The following PCDH11X variants were observed in gnomAD, a reference collection of about 807,000 sequenced individuals.
PCDH11X encodes the protein protocadherin 11 X-linked.
Under a neutral mutation model 53.3 loss-of-function variants are expected in PCDH11X, and 18 were observed. That is an observed-to-expected ratio of 0.34 (90% confidence interval 0.23 to 0.50). PCDH11X has a LOEUF of 0.50. Ranked by LOEUF, PCDH11X falls within the 20% of genes least tolerant of loss-of-function variation. The probability of loss-of-function intolerance (pLI) is 0.98; values close to 1 mark genes in which losing one functional copy is unlikely to be tolerated. For synonymous variants in PCDH11X, 279 were observed against 393.3 expected, an observed-to-expected ratio of 0.71 and a Z score of 3.44; for missense variants, 570 against 1,032.4, an observed-to-expected ratio of 0.55 and a Z score of 6.14.
intron 8 of PCDH11X, among the ~76,000 whole-genome samples, chrX:92,312,518 G>A (rs1379519809): frequency 9.1e-6 from 1 of 110,260 alleles, no homozygotes; most frequent in Admixed American, 9.8e-5. Flanking sequence ...TTTGACTAAT[G>A]TACTACTCAG....
At chrX:91,885,285 T>TC (rs1335444106) in intron 6 of PCDH11X, among the ~76,000 whole-genome samples, 1 of 111,651 alleles carries the variant, frequency 9.0e-6, no homozygotes, top group Non-Finnish European at 1.9e-5. Context: ...TTGCAGTTAC[T>TC]CCCCTTTTAT....
intron 1 of PCDH11X, among the ~76,000 whole-genome samples, chrX:91,807,929 T>G (rs2147554406): frequency 9.4e-6 from 1 of 106,143 alleles, no homozygotes; most frequent in Non-Finnish European, 1.9e-5. Flanking sequence ...TTTAACCCAT[T>G]ATTGGACTGG....
intron 1 of PCDH11X, among the ~76,000 whole-genome samples, chrX:91,798,454 T>A (rs751904211): frequency 9.1e-6 from 1 of 110,344 alleles, no homozygotes; most frequent in Admixed American, 9.7e-5. Context: ...CCAGGCATGA[T>A]GGCGGGCGCC....
At chrX:92,500,222 GATC>G (rs1432183058) in intron 10 of PCDH11X, among the ~76,000 whole-genome samples, 2 of 111,191 alleles carry the variant, frequency 1.8e-5, no homozygotes, top group African/African-American at 6.5e-5. Flanking sequence ...TCTTTTAAAA[GATC>G]ATATTTCAGG....
At chrX:92,568,524 G>A (rs4893180) in intron 10 of PCDH11X, among the ~76,000 whole-genome samples, 38,725 of 106,709 alleles carry the variant, frequency 0.36, 5,865 homozygotes, top group African/African-American at 0.46. Context: ...TCTCTACCAC[G>A]CACAATAAAA....
At chrX:92,261,634 A>G (rs1319080740) in intron 7 of PCDH11X, among the ~76,000 whole-genome samples, 1 of 105,340 alleles carries the variant, frequency 9.5e-6, no homozygotes, top group African/African-American at 3.9e-5. Context: ...TTCTAATGAA[A>G]CTAAAAAAAA....
At chrX:92,605,933 A>G (rs1035803703) in intron 10 of PCDH11X, among the ~76,000 whole-genome samples, 4 of 110,755 alleles carry the variant, frequency 3.6e-5, no homozygotes, top group African/African-American at 1.3e-4. Flanking sequence ...TTTTGCAGAA[A>G]TAAGACGCTA....
At chrX:92,151,973 T>C (rs950459427) in intron 6 of PCDH11X, among the ~76,000 whole-genome samples, 1 of 89,812 alleles carries the variant, frequency 1.1e-5, no homozygotes. Context: ...AAGAAAACCA[T>C]ATAAGTAAGG....
chrX:92,056,435 C>G (rs1417004597), intron 6 of PCDH11X, among the ~76,000 whole-genome samples: 1 of 111,056 alleles, frequency 9.0e-6, no homozygotes, highest in African/African-American at 3.3e-5. Context: ...TATATTAGAC[C>G]TTTGTTGGAT....
intron 8 of PCDH11X, among the ~76,000 whole-genome samples, chrX:92,289,331 A>G (rs1232657843): frequency 9.0e-6 from 1 of 110,724 alleles, no homozygotes; most frequent in East Asian, 2.9e-4. Context: ...ACCGAGGTTG[A>G]ATATTTATTC....
At chrX:92,453,536 A>T (rs2072845296) in intron 9 of PCDH11X, among the ~76,000 whole-genome samples, 1 of 110,184 alleles carries the variant, frequency 9.1e-6, no homozygotes, top group Admixed American at 9.7e-5. Context: ...TTCAAAAGGC[A>T]TATTCATGGA....
intron 9 of PCDH11X, among the ~76,000 whole-genome samples, chrX:92,402,203 C>G (rs1412205525): frequency 9.0e-6 from 1 of 111,567 alleles, no homozygotes. Context: ...TTAAAATGAC[C>G]GTGTTACCCA....
At chrX:91,998,531 C>G (rs1407109585) in intron 6 of PCDH11X, among the ~76,000 whole-genome samples, 1 of 107,515 alleles carries the variant, frequency 9.3e-6, no homozygotes, top group Non-Finnish European at 1.9e-5. Flanking sequence ...GGTTGTGGAT[C>G]TATTTGACTC....
At chrX:92,131,014 A>G (rs2064962686) in intron 6 of PCDH11X, among the ~76,000 whole-genome samples, 2 of 110,896 alleles carry the variant, frequency 1.8e-5, no homozygotes, top group Non-Finnish European at 1.9e-5. Context: ...TTGGAATGCA[A>G]CTTCCTGTGA....
At chrX:91,992,296 T>C (rs1432393501) in intron 6 of PCDH11X, among the ~76,000 whole-genome samples, 1 of 107,352 alleles carries the variant, frequency 9.3e-6, no homozygotes, top group Non-Finnish European at 1.9e-5. Context: ...TGTATATCAA[T>C]CTACACTACT....
At chrX:92,179,864 A>C (rs2065966192) in intron 6 of PCDH11X, among the ~76,000 whole-genome samples, 1 of 111,542 alleles carries the variant, frequency 9.0e-6, no homozygotes, top group South Asian at 3.8e-4. Flanking sequence ...ACTTCTCTCT[A>C]TGTTACCATA....
intron 10 of PCDH11X, among the ~76,000 whole-genome samples, chrX:92,581,427 G>A (rs1923687897): frequency 9.0e-6 from 1 of 111,322 alleles, no homozygotes; most frequent in South Asian, 3.8e-4. Flanking sequence ...TAGTGAATAA[G>A]TCTCACGAGA....
chrX:92,447,184 T>G (rs189200256), intron 9 of PCDH11X, among the ~76,000 whole-genome samples: 2,859 of 111,639 alleles, frequency 0.026, 63 homozygotes, highest in African/African-American at 0.071. Flanking sequence ...TAGAAAAGAA[T>G]TTACTATTTT....
chrX:92,588,355 T>G (rs929838412), intron 10 of PCDH11X, among the ~76,000 whole-genome samples: 2 of 82,377 alleles, frequency 2.4e-5, no homozygotes, highest in African/African-American at 1.2e-4. Context: ...GATTTTCATA[T>G]ACTTGTGTGT....
Sources: gnomAD v4.1 joint callset for allele counts (sites outside exome capture counted in the v4.1 genomes callset) on GRCh38, gnomAD v4.1.1 for gene constraint, MANE v1.5 for transcripts, NCBI Gene and HGNC (gene_info 2026-07-23, HGNC 2026-07-21) for gene names.